The following ERBB4 variants were observed in gnomAD, a reference collection of about 807,000 sequenced individuals.
The protein encoded by ERBB4 is receptor tyrosine-protein kinase erbB-4.
ERBB4 carries 42 observed loss-of-function variants against 158.0 expected under a neutral mutation model. That is an observed-to-expected ratio of 0.27 (90% CI 0.21 to 0.34). The LOEUF (loss-of-function observed/expected upper bound fraction) is 0.34, where lower values mean the gene tolerates loss of function less well. ERBB4 is among the 10% of genes least tolerant of loss of function. The pLI, the probability that ERBB4 is intolerant of heterozygous loss-of-function variation, is 1.00. For synonymous variants in ERBB4, 583 were observed against 558.7 expected (o/e 1.04, Z -0.61); for missense variants, 1,333 against 1,624.1 (o/e 0.82, Z 3.08).
chr2:211,534,997 T>A (rs1215064862), intron 20 of ERBB4, among the ~76,000 whole-genome samples: 1 of 152,060 alleles, frequency 6.6e-6, no homozygotes, highest in East Asian at 1.9e-4. Flanking sequence ...TTATACTATG[T>A]CTAATTATGG....
At position 211,383,608 on chromosome 2, in the gene ERBB4, A is replaced by G. The variant is rs760895448; in HGVS notation, c.*7T>C. On this transcript the variant is annotated 3_prime_UTR_variant, in exon 28 of 28. Coordinates refer to ENST00000342788, the MANE Select transcript of ERBB4 (RefSeq NM_005235.3). ...GTGTCTCTCCACCTAAAAAACCACA[A>G]CTGAGCTTACACCACAGTATTCCGG... 3.1e-6 allele frequency: 5 copies of G among 1,612,056 alleles called. No homozygotes were observed. Among genetic ancestry groups the G allele is most frequent in the Non-Finnish European group, 4.2e-6 (5 of 1,179,560 alleles).
intron 20 of ERBB4, among the ~76,000 whole-genome samples, chr2:211,482,630 G>T (rs2125551154): frequency 6.6e-6 from 1 of 152,202 alleles, no homozygotes; most frequent in East Asian, 1.9e-4. Context: ...ATCAGGCCGG[G>T]TGCAGTGGCT....
chr2:211,637,166 A>T (rs898087221), intron 16 of ERBB4, among the ~76,000 whole-genome samples: 3 of 151,960 alleles, frequency 2.0e-5, no homozygotes, highest in African/African-American at 7.2e-5. Context: ...AGATGAAAGC[A>T]TAAGTCTATC....
chr2:212,304,041 A>T (rs2086718777), intron 1 of ERBB4, among the ~76,000 whole-genome samples: 1 of 151,558 alleles, frequency 6.6e-6, no homozygotes, highest in African/African-American at 2.4e-5. Context: ...TTCTACAGAG[A>T]CGTGATAAGC....
intron 2 of ERBB4, among the ~76,000 whole-genome samples, chr2:211,956,877 C>A (rs1306113811): frequency 6.6e-6 from 1 of 151,952 alleles, no homozygotes; most frequent in Non-Finnish European, 1.5e-5. Context: ...CTCTGTTGCC[C>A]AGGCTGGAGC....
At chr2:212,474,491 T>A (rs1371042234) in intron 1 of ERBB4, among the ~76,000 whole-genome samples, 2 of 152,004 alleles carry the variant, frequency 1.3e-5, no homozygotes, top group Non-Finnish European at 2.9e-5. Flanking sequence ...GCCAAAAAAA[T>A]AACGTGGCAC....
Position 211,930,901 on chromosome 2 carries a change from A to T in ERBB4, c.421+16529T>A, listed in dbSNP as rs1238849877. The stretch of plus-strand genomic sequence containing the variant: ...ATTTTATTGTGGAATGGAGATTTAA[A>T]AGGGAGCAATGATTAATGACTTTCA... On this transcript the variant is annotated intron_variant, in intron 3 of 27. Coordinates refer to ENST00000342788, the MANE Select transcript of ERBB4 (RefSeq NM_005235.3). Among the ~76,000 whole-genome samples the T allele has an allele frequency of 2.6e-5, 4 of 152,302 alleles. No individual in the cohort carries two copies. In the East Asian group the frequency reaches 7.7e-4, roughly 29 times the overall value.
intron 13 of ERBB4, 90 bp from the exon 14 acceptor site, chr2:211,673,347 G>A (rs1455038652): frequency 1.1e-6 from 1 of 895,616 alleles, no homozygotes; most frequent in Non-Finnish European, 1.9e-6. Flanking sequence ...CCTATTGGCA[G>A]AGTAAATTCT....
At chr2:212,186,261 T>C (rs1188038962) in intron 1 of ERBB4, among the ~76,000 whole-genome samples, 1 of 152,202 alleles carries the variant, frequency 6.6e-6, no homozygotes, top group Admixed American at 6.5e-5. Context: ...TGTGCCATCT[T>C]TGTTAAGCAA....
At chr2:212,287,047 A>C (rs2086016364) in intron 1 of ERBB4, among the ~76,000 whole-genome samples, 5 of 151,828 alleles carry the variant, frequency 3.3e-5, no homozygotes, top group Admixed American at 3.3e-4. Context: ...ACGCGCTGAC[A>C]CAACGACCTT....
chr2:211,981,187 C>T (rs183678263), intron 2 of ERBB4, among the ~76,000 whole-genome samples: 1 of 152,268 alleles, frequency 6.6e-6, no homozygotes. Context: ...TGTCTATCCT[C>T]TGCACAATGG....
intron 19 of ERBB4, among the ~76,000 whole-genome samples, chr2:211,583,607 A>C (rs941164275): frequency 6.6e-6 from 1 of 151,610 alleles, no homozygotes; most frequent in Non-Finnish European, 1.5e-5. Flanking sequence ...TATTAAAAAA[A>C]TTTAAGGTAC....
rs1296427349 is a variant in ERBB4, at chr2:211,626,956, T to TAA, written c.2080-2914_2080-2913dup. On this transcript the variant is annotated intron_variant, in intron 17 of 27. Transcript: ENST00000342788. ...TAAAAATAAAAATAAATAAAAAAAA[T>TAA]AAAAAAAAAAAAGTGTGTGTTTATT... is the stretch of plus-strand genomic sequence containing the variant. Among the ~76,000 whole-genome samples, 28 of 33,094 alleles carry TAA rather than the reference T, an allele frequency of 8.5e-4. 1 individual carries two copies. In the South Asian group the frequency reaches 0.021, roughly 25 times the overall value. The allele number at this position is 33,094 out of a possible 152,430, so 21.7% of individuals were successfully genotyped here.
At position 212,211,333 on chromosome 2, in the gene ERBB4, C is replaced by G. The variant is rs528989290; in HGVS notation, c.83-86430G>C. 3.9e-5 allele frequency among the ~76,000 whole-genome samples: 6 copies of G among 152,210 alleles called. No individual in the cohort carries two copies. In the East Asian group the frequency reaches 1.2e-3, roughly 29 times the overall value. ...CATATGCGTGAAGACACATCGCACA[C>G]ATACATACTCAGGCTTCTGATAACA... On this transcript the variant is annotated intron_variant, in intron 1 of 27. Coordinates refer to ENST00000342788, the MANE Select transcript of ERBB4 (RefSeq NM_005235.3).
intron 2 of ERBB4, among the ~76,000 whole-genome samples, chr2:212,006,665 G>A (rs539648774): frequency 6.6e-6 from 1 of 151,922 alleles, no homozygotes; most frequent in Non-Finnish European, 1.5e-5. Flanking sequence ...CTAATGATCC[G>A]TGGCTCAGAG....
intron 15 of ERBB4, among the ~76,000 whole-genome samples, chr2:211,663,562 C>T (rs572048217): frequency 2.3e-4 from 35 of 152,046 alleles, no homozygotes; most frequent in Middle Eastern, 6.8e-3. Flanking sequence ...CTTTTCATTG[C>T]CTCATATTTC....
chr2:211,631,570 A>G (rs928566591), intron 16 of ERBB4, among the ~76,000 whole-genome samples: 1 of 152,204 alleles, frequency 6.6e-6, no homozygotes, highest in Admixed American at 6.6e-5. Flanking sequence ...TATTGTTAGC[A>G]AAGATATAAT....
intron 20 of ERBB4, among the ~76,000 whole-genome samples, chr2:211,530,406 T>C (rs903984146): frequency 6.6e-6 from 1 of 152,110 alleles, no homozygotes; most frequent in African/African-American, 2.4e-5. Context: ...ATTGTTAAAA[T>C]GTCTAGACTA....
intron 1 of ERBB4, among the ~76,000 whole-genome samples, chr2:212,379,834 T>C (rs2090446681): frequency 6.6e-6 from 1 of 151,122 alleles, no homozygotes; most frequent in Non-Finnish European, 1.5e-5. Context: ...TGTGTGTGTC[T>C]GTGTGTGTGT....
Sources: gnomAD v4.1 joint callset for allele counts (sites outside exome capture counted in the v4.1 genomes callset) on GRCh38, gnomAD v4.1.1 for gene constraint, MANE v1.5 for transcripts, NCBI Gene and HGNC (gene_info 2026-07-23, HGNC 2026-07-21) for gene names.